SLC25A21: variants seen among roughly 807,000 people sequenced by gnomAD.
The protein encoded by SLC25A21 is mitochondrial 2-oxodicarboxylate carrier.
A neutral mutation model predicts 43.8 loss-of-function variants in SLC25A21; 47 were observed. The observed-to-expected ratio is 1.07, with a 90% CI of 0.85 to 1.37. The LOEUF is 1.37. SLC25A21 is among the 40% of genes most tolerant of loss of function. The pLI is 0.00. For synonymous variants in SLC25A21, 131 were observed against 121.3 expected, an observed-to-expected ratio of 1.08 and a Z score of -0.52; for missense variants, 352 against 350.2, an observed-to-expected ratio of 1.00 and a Z score of -0.04.
In SLC25A21 at chr14:37,010,234, T is replaced by A. The variant is rs569019281; in HGVS notation, c.71-135230A>T. Among the ~76,000 whole-genome samples, 240 of 152,318 alleles carry A rather than the reference T, an allele frequency of 1.6e-3. 1 individual carries two copies. Among genetic ancestry groups the A allele is most frequent in the African/African-American group, 5.2e-3 (216 of 41,576 alleles). ...TTTCACACAACCAACTTTCCTACAC[T>A]AAACTTGTGTGCTTCAGTCCATGAC... On this transcript the variant is annotated intron_variant, in intron 1 of 9. Transcript: ENST00000331299.
intron 7 of SLC25A21, among the ~76,000 whole-genome samples, chr14:36,696,809 A>G (rs933083862): frequency 1.3e-5 from 2 of 151,560 alleles, no homozygotes; most frequent in Middle Eastern, 3.2e-3. Context: ...TTTCTTCTTT[A>G]TTAGTCTTGC....
intron 1 of SLC25A21, among the ~76,000 whole-genome samples, chr14:36,887,267 C>G (rs1401823052): frequency 2.7e-5 from 4 of 150,854 alleles, no homozygotes; most frequent in Non-Finnish European, 5.9e-5. Flanking sequence ...TTTTGCTTAT[C>G]TAAAGTGAAA....
intron 2 of SLC25A21, among the ~76,000 whole-genome samples, chr14:36,848,552 T>A (rs954762206): frequency 6.6e-6 from 1 of 151,998 alleles, no homozygotes; most frequent in Non-Finnish European, 1.5e-5. Context: ...GGAATGCAAT[T>A]CCCCAAAATG....
At chr14:36,739,682 A>G (rs1218422775) in intron 3 of SLC25A21, among the ~76,000 whole-genome samples, 1 of 120,064 alleles carries the variant, frequency 8.3e-6, no homozygotes, top group Non-Finnish European at 1.8e-5. Context: ...GTCTAAAAAA[A>G]AAGAAAAAAA....
chr14:37,037,512 G>A (rs1431546874), intron 1 of SLC25A21, among the ~76,000 whole-genome samples: 1 of 152,102 alleles, frequency 6.6e-6, no homozygotes, highest in East Asian at 1.9e-4. Context: ...TATCAATTGA[G>A]TTTGGAATTC....
intron 1 of SLC25A21, among the ~76,000 whole-genome samples, chr14:37,123,127 C>T (rs1382100161): frequency 6.6e-6 from 1 of 152,156 alleles, no homozygotes; most frequent in Non-Finnish European, 1.5e-5. Flanking sequence ...AGCACTTTGG[C>T]ATCTTCAGCA....
chr14:37,001,420 A>G (rs1197432848), intron 1 of SLC25A21, among the ~76,000 whole-genome samples: 1 of 152,204 alleles, frequency 6.6e-6, no homozygotes, highest in Non-Finnish European at 1.5e-5. Context: ...CACACTGAGC[A>G]AGTAAATGAG....
intron 1 of SLC25A21, among the ~76,000 whole-genome samples, chr14:37,109,794 A>G (rs935957413): frequency 6.6e-6 from 1 of 152,104 alleles, no homozygotes; most frequent in African/African-American, 2.4e-5. Context: ...TTTTTTTTAC[A>G]TTGCAAAACT....
intron 2 of SLC25A21, among the ~76,000 whole-genome samples, chr14:36,819,273 T>C (rs1300187917): frequency 6.6e-6 from 1 of 152,184 alleles, no homozygotes; most frequent in Non-Finnish European, 1.5e-5. Context: ...CCAGCCACAA[T>C]ACTGAGTGAG....
chr14:36,888,864 C>T lies in SLC25A21; in HGVS notation c.71-13860G>A, dbSNP rs544776026. 2.0e-5 allele frequency among the ~76,000 whole-genome samples: 3 copies of T among 152,172 alleles called. No individual in the cohort carries two copies. The South Asian group carries it at 6.2e-4, about 32-fold the overall frequency. ...AAAATGAAATTGTAATGCTTTTTCC[C>T]CACTCTAACTAGCATTACTTCTTGC... On this transcript the variant is annotated intron_variant, in intron 1 of 9. Transcript: ENST00000331299.
intron 1 of SLC25A21, among the ~76,000 whole-genome samples, chr14:36,903,575 T>G (rs929169869): frequency 1.7e-5 from 2 of 115,970 alleles, no homozygotes; most frequent in East Asian, 5.9e-4. Context: ...ATTGTGCCAC[T>G]GCATTCCAGC....
chr14:37,091,425 C>T (rs1025348041), intron 1 of SLC25A21, among the ~76,000 whole-genome samples: 2 of 150,214 alleles, frequency 1.3e-5, no homozygotes, highest in Non-Finnish European at 3.0e-5. Flanking sequence ...CAGAATGAGA[C>T]TCAGTCTCAA....
intron 1 of SLC25A21, among the ~76,000 whole-genome samples, chr14:36,900,852 G>A (rs1891378276): frequency 6.6e-6 from 1 of 152,146 alleles, no homozygotes; most frequent in African/African-American, 2.4e-5. Context: ...TTGCAATAGG[G>A]CATTTTGATT....
intron 2 of SLC25A21, among the ~76,000 whole-genome samples, chr14:36,827,744 A>T (rs1888888567): frequency 1.3e-5 from 2 of 152,224 alleles, no homozygotes; most frequent in Admixed American, 1.3e-4. Flanking sequence ...AAGGTTATGA[A>T]AATAACATGG....
chr14:36,833,583 T>G (rs190280844), intron 2 of SLC25A21, among the ~76,000 whole-genome samples: 51 of 152,362 alleles, frequency 3.3e-4, no homozygotes, highest in African/African-American at 1.2e-3. Context: ...ATAGTTGATG[T>G]GTATCTACTT....
intron 1 of SLC25A21, among the ~76,000 whole-genome samples, chr14:36,950,003 A>G (rs553616268): frequency 1.3e-5 from 2 of 152,188 alleles, no homozygotes; most frequent in Non-Finnish European, 2.9e-5. Context: ...ACGGTAATGT[A>G]CAGTCTGACT....
chr14:37,064,959 AC>A (rs1216660933), intron 1 of SLC25A21, among the ~76,000 whole-genome samples: 1 of 152,054 alleles, frequency 6.6e-6, no homozygotes, highest in Non-Finnish European at 1.5e-5. Flanking sequence ...ACTCTACCAA[AC>A]CCCCAGGATA....
chr14:36,834,448 GAA>G (rs1256229863), intron 2 of SLC25A21, among the ~76,000 whole-genome samples: 20 of 152,098 alleles, frequency 1.3e-4, no homozygotes, highest in Non-Finnish European at 8.8e-5. Flanking sequence ...TTCTTTATCT[GAA>G]AAAATGATAC....
At chr14:37,134,847 C>G (rs953575662) in intron 1 of SLC25A21, among the ~76,000 whole-genome samples, 5 of 151,832 alleles carry the variant, frequency 3.3e-5, no homozygotes, top group African/African-American at 1.2e-4. Flanking sequence ...AATTCCAGCA[C>G]TTTGGGAAAC....
Sources: allele counts gnomAD v4.1 joint callset (sites outside exome capture counted in the v4.1 genomes callset), GRCh38; gene constraint gnomAD v4.1.1; transcripts MANE v1.5; gene names NCBI Gene and HGNC (gene_info 2026-07-23, HGNC 2026-07-21).